Variants in DOCK7 observed in about 807,000 individuals in gnomAD.
DOCK7 encodes the protein dedicator of cytokinesis protein 7.
A neutral mutation model predicts 271.0 loss-of-function variants in DOCK7; 138 were observed. That is an observed-to-expected ratio of 0.51 (90% confidence interval 0.44 to 0.59). DOCK7 has a LOEUF of 0.59. DOCK7 is among the 20% of genes least tolerant of loss of function. The pLI is 0.00. For missense variants in DOCK7, 2,066 were observed against 2,592.4 expected, an observed-to-expected ratio of 0.80 and a Z score of 4.41; for synonymous variants, 823 against 876.1, an observed-to-expected ratio of 0.94 and a Z score of 1.07.
At chr1:62,671,253 A>G (rs1357011118) in intron 1 of DOCK7, among the ~76,000 whole-genome samples, 1 of 152,232 alleles carries the variant, frequency 6.6e-6, no homozygotes, top group Non-Finnish European at 1.5e-5. Context: ...AATTCCAGAC[A>G]CATTATCTCT....
intron 12 of DOCK7, among the ~76,000 whole-genome samples, chr1:62,623,672 T>A (rs1176318277): frequency 6.6e-6 from 1 of 152,242 alleles, no homozygotes; most frequent in Non-Finnish European, 1.5e-5. Context: ...GTTGTGTCAC[T>A]GTAGCAAATC....
intron 14 of DOCK7, chr1:62,597,674 A>C (rs1319925385): frequency 6.2e-7 from 1 of 1,613,518 alleles, no homozygotes; most frequent in Non-Finnish European, 8.5e-7. Flanking sequence ...CAAAATCAAG[A>C]TTTGCTATGT....
At chr1:62,505,894 T>C in intron 35 of DOCK7, 78 bp from the exon 36 acceptor site, 3 of 1,373,186 alleles carry the variant, frequency 2.2e-6, no homozygotes, top group South Asian at 2.9e-5. Context: ...TCCCTATGTA[T>C]AAATAAAGGC....
At chr1:62,625,537 G>T in intron 11 of DOCK7, 136 bp from the exon 12 acceptor site, 2 of 824,874 alleles carry the variant, frequency 2.4e-6, no homozygotes, top group Non-Finnish European at 3.7e-6. Context: ...GGAGAATTTT[G>T]CTTTTGGAGA....
chr1:62,566,031 T>C (rs139948782), intron 18 of DOCK7, among the ~76,000 whole-genome samples: 2 of 152,180 alleles, frequency 1.3e-5, no homozygotes, highest in East Asian at 3.9e-4. Flanking sequence ...AACTACACAT[T>C]ACTGCTCAAG....
chr1:62,454,940 T>C lies in DOCK7; in HGVS notation c.*474A>G, dbSNP rs1213363116. ...TTATTCTGCTAGGTTTGGAACTAGT[T>C]CTTGAGTCAACCCTTTAATTGTTCT... On this transcript the variant is annotated 3_prime_UTR_variant, in exon 50 of 50. Coordinates refer to ENST00000635253, the MANE Select transcript of DOCK7 (RefSeq NM_001367561.1). 6.2e-6 allele frequency: 2 copies of C among 322,006 alleles called. No individual in the cohort carries two copies. The highest frequency in any genetic ancestry group is 1.1e-5 in the Non-Finnish European group (2 of 178,932). 19.9% of individuals were successfully genotyped at this position (322,006 alleles called of 1,614,324 possible).
chr1:62,510,366 A>ATTATATTT (rs1644447638), intron 34 of DOCK7, among the ~76,000 whole-genome samples: 1 of 152,208 alleles, frequency 6.6e-6, no homozygotes, highest in Non-Finnish European at 1.5e-5. Flanking sequence ...AGTTTAAAAT[A>ATTATATTT]TAATATTTTG....
chr1:62,673,233 C>T (rs564798417), intron 1 of DOCK7, among the ~76,000 whole-genome samples: 1 of 151,988 alleles, frequency 6.6e-6, no homozygotes, highest in Non-Finnish European at 1.5e-5. Flanking sequence ...TAAAATATAC[C>T]TCCTTTTCTG....
At chr1:62,682,880 T>C (rs1281696097) in intron 1 of DOCK7, among the ~76,000 whole-genome samples, 1 of 152,080 alleles carries the variant, frequency 6.6e-6, no homozygotes, top group African/African-American at 2.4e-5. Flanking sequence ...ACAGGGAAAG[T>C]TGTGGGATCA....
At chr1:62,654,875 T>C (rs980776793) in intron 2 of DOCK7, among the ~76,000 whole-genome samples, 1 of 152,034 alleles carries the variant, frequency 6.6e-6, no homozygotes, top group African/African-American at 2.4e-5. Flanking sequence ...GCCTTGAAGA[T>C]AGAGATGATG....
chr1:62,514,582 G>A (rs1326468429), intron 31 of DOCK7, among the ~76,000 whole-genome samples: 3 of 151,822 alleles, frequency 2.0e-5, no homozygotes, highest in African/African-American at 7.3e-5. Flanking sequence ...ATTTGATTTA[G>A]TCCTCCAACA....
chr1:62,638,586 T>C (rs1392156425), intron 7 of DOCK7, among the ~76,000 whole-genome samples: 1 of 149,078 alleles, frequency 6.7e-6, no homozygotes, highest in Non-Finnish European at 1.5e-5. Context: ...TTCATGAATA[T>C]ATATTTTCAT....
At position 62,552,868 on chromosome 1, in the gene DOCK7, G is replaced by A; in HGVS notation, c.2630C>T (p.Ala877Val). The change falls in exon 22 of 50, where the codon GCC (alanine) becomes GTC (valine). Residue 877 changes from alanine (A) to valine (V), a missense_variant. Ala to Val is a moderately conservative substitution (Grantham distance 64). Transcript: ENST00000635253. ...PGGLGGSVHY[A>V]TMARSAVRPA... Reference sequence around the variant, plus strand: ...TCTCACCGCAGATCTAGCCATTGTGGCATAATGCACTGATCCTCCCAAACC... The same window carrying A: ...TCTCACCGCAGATCTAGCCATTGTGACATAATGCACTGATCCTCCCAAACC... 6.2e-7 allele frequency: 1 copy of A among 1,613,164 alleles called. No individual in the cohort carries two copies. Among genetic ancestry groups the A allele is most frequent in the Non-Finnish European group, 8.5e-7 (1 of 1,179,654 alleles).
At chr1:62,578,087 C>T (rs1033715798) in intron 17 of DOCK7, among the ~76,000 whole-genome samples, 1 of 152,042 alleles carries the variant, frequency 6.6e-6, no homozygotes, top group African/African-American at 2.4e-5. Context: ...CCACGCCTAG[C>T]TAATTTTTGT....
At chr1:62,589,600 C>A in intron 14 of DOCK7, among the ~76,000 whole-genome samples, 1 of 150,126 alleles carries the variant, frequency 6.7e-6, no homozygotes, top group Non-Finnish European at 1.5e-5. Context: ...AATTTAAGTA[C>A]AAAGAGTTGG....
chr1:62,633,572 T>C lies in DOCK7; in HGVS notation c.1042A>G (p.Lys348Glu). The change falls in exon 10 of 50, where the codon AAA becomes GAA. Residue 348 changes from lysine to glutamate, a missense_variant. Lys to Glu is a moderately conservative substitution (Grantham distance 56). Transcript: ENST00000635253. ...CCAATGTCTCCTTGCTGTAGGACTT[T>C]TTCTAGCTGTCAAAGGCAAAAAAAG... ...QDVFLVIKLE[K>E]VLQQGDIGEC... 1 of 1,612,098 alleles carries C rather than the reference T, an allele frequency of 6.2e-7. No homozygotes were observed. Among genetic ancestry groups the C allele is most frequent in the African/African-American group, 1.3e-5 (1 of 74,976 alleles).
chr1:62,515,148 A>C (rs1177382511), intron 31 of DOCK7, among the ~76,000 whole-genome samples: 3 of 152,042 alleles, frequency 2.0e-5, no homozygotes, highest in African/African-American at 7.2e-5. Flanking sequence ...AAAAAAAAAA[A>C]AAAAACCTGA....
At chr1:62,619,018 A>G in intron 13 of DOCK7, 150 bp from the exon 14 acceptor site, 1 of 611,850 alleles carries the variant, frequency 1.6e-6, no homozygotes, top group Non-Finnish European at 2.7e-6. Context: ...TCATGCCTCT[A>G]AATCATTTCA....
intron 48 of DOCK7, chr1:62,458,156 G>GGTGTGGGT (rs1645402005): frequency 1.3e-5 from 2 of 152,934 alleles, no homozygotes; most frequent in Non-Finnish European, 2.9e-5. Flanking sequence ...CTCAAACGTG[G>GGTGTGGGT]GTGTGTGTGT....
Sources: gnomAD v4.1 joint callset for allele counts (sites outside exome capture counted in the v4.1 genomes callset) on GRCh38, gnomAD v4.1.1 for gene constraint, MANE v1.5 for transcripts, NCBI Gene and HGNC (gene_info 2026-07-23, HGNC 2026-07-21) for gene names.